Variants in AFF1 observed in about 807,000 individuals in gnomAD.
AFF1 encodes ALF transcription elongation factor 1.
Under a neutral mutation model 121.7 loss-of-function variants are expected in AFF1, and 48 were observed. The ratio of observed to expected loss-of-function variants is 0.39; its 90% CI spans 0.31 to 0.50. The LOEUF (loss-of-function observed/expected upper bound fraction) is 0.50, where lower values mean the gene tolerates loss of function less well. Ranked by LOEUF, AFF1 falls within the 20% of genes least tolerant of loss-of-function variation. The probability of loss-of-function intolerance (pLI) is 0.76; values close to 1 mark genes in which losing one functional copy is unlikely to be tolerated. For missense variants in AFF1, 1,523 were observed against 1,511.7 expected (o/e 1.01, Z -0.12); for synonymous variants, 613 against 563.0 (o/e 1.09, Z -1.26).
chr4:87,077,604 C>T (rs1238115407), intron 4 of AFF1, among the ~76,000 whole-genome samples: 3 of 151,936 alleles, frequency 2.0e-5, no homozygotes, highest in Admixed American at 2.0e-4. Flanking sequence ...GCCTTCCTTT[C>T]TGGAAGTAAT....
At chr4:87,089,225 T>C (rs35849753) in intron 5 of AFF1, among the ~76,000 whole-genome samples, 19,815 of 152,250 alleles carry the variant, frequency 0.13, 1,797 homozygotes, top group Middle Eastern at 0.2. Context: ...TGTTTGTGTG[T>C]GTATGTGTAT....
intron 4 of AFF1, among the ~76,000 whole-genome samples, chr4:87,061,494 G>T (rs967387382): frequency 1.9e-4 from 29 of 152,240 alleles, no homozygotes; most frequent in African/African-American, 6.8e-4. Context: ...GGGCGTGGCT[G>T]CCCACAGAGC....
At chr4:86,952,382 G>A (rs921164184) in intron 2 of AFF1, among the ~76,000 whole-genome samples, 4 of 152,146 alleles carry the variant, frequency 2.6e-5, no homozygotes, top group African/African-American at 7.2e-5. Context: ...TAAGATTTTC[G>A]TGGAGGTGAT....
At chr4:86,994,847 T>C (rs1578920025) in intron 2 of AFF1, among the ~76,000 whole-genome samples, 1 of 151,842 alleles carries the variant, frequency 6.6e-6, no homozygotes, top group South Asian at 2.1e-4. Context: ...GGCTGGAGGG[T>C]GTTCATGGGA....
intron 4 of AFF1, among the ~76,000 whole-genome samples, chr4:87,052,580 A>T (rs1731381850): frequency 1.3e-5 from 2 of 151,514 alleles, no homozygotes; most frequent in South Asian, 2.1e-4. Flanking sequence ...ATTATTTGTG[A>T]TTGAAACCAT....
intron 4 of AFF1, among the ~76,000 whole-genome samples, chr4:87,056,329 CA>C (rs1354164436): frequency 6.6e-6 from 1 of 152,110 alleles, no homozygotes; most frequent in Non-Finnish European, 1.5e-5. Context: ...AATTGAAGTG[CA>C]TGAATTAAGA....
At chr4:87,055,892 G>A (rs993821628) in intron 4 of AFF1, among the ~76,000 whole-genome samples, 1 of 152,120 alleles carries the variant, frequency 6.6e-6, no homozygotes, top group Non-Finnish European at 1.5e-5. Flanking sequence ...ATTTTCCAAG[G>A]TTAACTTTGC....
intron 2 of AFF1, among the ~76,000 whole-genome samples, chr4:86,963,225 C>A (rs1417248116): frequency 1.4e-5 from 2 of 145,324 alleles, no homozygotes; most frequent in Non-Finnish European, 3.0e-5. Flanking sequence ...ACTAGGTATT[C>A]ATTTAATAAT....
intron 8 of AFF1, among the ~76,000 whole-genome samples, chr4:87,096,298 CTTTTTTT>C (rs10593271): frequency 8.8e-5 from 5 of 57,060 alleles, no homozygotes; most frequent in Non-Finnish European, 1.6e-4. Context: ...TTGTTATTCC[CTTTTTTT>C]TTTTTTTTTT....
chr4:86,965,873 C>T (rs1722505876), intron 2 of AFF1, among the ~76,000 whole-genome samples: 1 of 152,096 alleles, frequency 6.6e-6, no homozygotes. Context: ...CAAGGTTTCT[C>T]CTTAATGAAG....
intron 10 of AFF1, among the ~76,000 whole-genome samples, chr4:87,106,071 A>T (rs766561806): frequency 6.6e-6 from 1 of 152,194 alleles, no homozygotes; most frequent in Non-Finnish European, 1.5e-5. Context: ...CATCATCAGT[A>T]TAGATGTTAA....
chr4:87,133,469 A>G (rs1729025667), intron 19 of AFF1, among the ~76,000 whole-genome samples: 1 of 152,240 alleles, frequency 6.6e-6, no homozygotes, highest in Non-Finnish European at 1.5e-5. Context: ...TTAAGAAGCA[A>G]CTTCGTATTA....
chr4:87,019,306 T>G (rs974564508), intron 2 of AFF1, among the ~76,000 whole-genome samples: 2 of 152,180 alleles, frequency 1.3e-5, no homozygotes, highest in Non-Finnish European at 2.9e-5. Context: ...GTTATAATGG[T>G]GGGGCACTTT....
Position 87,072,362 on chromosome 4 carries a change from C to CAA in AFF1, c.1060-11739_1060-11738dup, listed in dbSNP as rs533054826. ...TGGGCAACAGAGCGAGACTCCGTCT[C>CAA]AAAAAAAAAAAAAAAAAAAATTTAA... On this transcript the variant is annotated intron_variant, in intron 4 of 20. Transcript: ENST00000395146. 5.2e-3 allele frequency among the ~76,000 whole-genome samples: 564 copies of CAA among 109,014 alleles called. 7 individuals are homozygous for CAA. Among genetic ancestry groups the CAA allele is most frequent in the East Asian group, 0.013 (48 of 3,840 alleles). The allele number at this position is 109,014 out of a possible 152,430, so 71.5% of individuals were successfully genotyped here. A position where few individuals can be genotyped will look rare whatever the true frequency, so the allele number is the denominator to read the frequency against.
rs891913596 is a variant in AFF1, at chr4:87,115,122, T to G, written c.2289T>G (p.Pro763=). 6.8e-6 allele frequency: 11 copies of G among 1,613,670 alleles called. No homozygotes were observed. The highest frequency in any genetic ancestry group is 9.3e-6 in the Non-Finnish European group (11 of 1,179,908). Residue 763 remains proline (P), a synonymous_variant, in exon 12 of 21, where the codon CCT becomes CCG. Coordinates refer to ENST00000395146, the MANE Select transcript of AFF1 (RefSeq NM_001166693.3). ...TKLLSPLRDT[P]PPQSLMVKIT... is the part of the protein sequence containing the mutation. ...TGCTCTCACCGCTCAGGGACACTCCTCCCCCACAAAGCTTGATGGTGAAGA... is the reference window on the plus strand; with the variant it reads ...TGCTCTCACCGCTCAGGGACACTCCGCCCCCACAAAGCTTGATGGTGAAGA...
chr4:87,047,263 A>G lies in AFF1; in HGVS notation c.728A>G (p.Asn243Ser). The G allele has an allele frequency of 6.2e-7, 1 of 1,614,180 alleles. No homozygotes were observed. The highest frequency in any genetic ancestry group is 8.5e-7 in the Non-Finnish European group (1 of 1,180,040). ...AGCAAGGTTCATGGCAGCAGCAATA[A>G]CAGTAAAGGCTATTGCCCAGCCAAA... ...GSSKVHGSSN[N>S]SKGYCPAKSP... The change falls in exon 4 of 21, where the codon AAC becomes AGC. Residue 243 changes from asparagine (N) to serine (S), a missense_variant. By Grantham distance (46) the Asn-to-Ser change is conservative. This residue lies in a region of AFF1 where 369 missense variants were observed against 367.2 expected (regional missense o/e 1.00). Transcript: ENST00000395146.
chr4:87,033,757 A>G (rs1325459715), intron 2 of AFF1, among the ~76,000 whole-genome samples: 4 of 151,978 alleles, frequency 2.6e-5, no homozygotes, highest in African/African-American at 9.7e-5. Context: ...TGAAAATTTG[A>G]TGTTTTAATC....
At chr4:86,986,903 G>A (rs926489468) in intron 2 of AFF1, among the ~76,000 whole-genome samples, 2 of 152,046 alleles carry the variant, frequency 1.3e-5, no homozygotes, top group Admixed American at 1.3e-4. Context: ...TGTTGCCCAG[G>A]CTGGGGTGCA....
intron 2 of AFF1, among the ~76,000 whole-genome samples, chr4:86,981,596 T>C (rs1469431562): frequency 6.6e-6 from 1 of 152,164 alleles, no homozygotes; most frequent in Non-Finnish European, 1.5e-5. Flanking sequence ...CTCAAACTCC[T>C]GGCCTCAAGG....
Sources: gnomAD v4.1 joint callset for allele counts (sites outside exome capture counted in the v4.1 genomes callset) on GRCh38, gnomAD v4.1.1 for gene constraint, gnomAD v4.1.1 regional missense constraint, MANE v1.5 for transcripts, NCBI Gene and HGNC (gene_info 2026-07-23, HGNC 2026-07-21) for gene names.